The following PDXDC1 variants were observed in gnomAD, a reference collection of about 807,000 sequenced individuals.
PDXDC1 encodes the protein pyridoxal-dependent decarboxylase domain-containing protein 1.
In PDXDC1, 42 loss-of-function variants were observed where a neutral mutation model predicts 100.1. That is an observed-to-expected ratio of 0.42 (90% CI 0.33 to 0.54). PDXDC1 has a LOEUF of 0.54. PDXDC1 is among the 20% of genes least tolerant of loss of function. The probability of loss-of-function intolerance (pLI) is 0.10; values close to 1 mark genes in which losing one functional copy is unlikely to be tolerated. For synonymous variants in PDXDC1, 260 were observed against 371.7 expected, an observed-to-expected ratio of 0.70 and a Z score of 3.46; for missense variants, 636 against 979.2, an observed-to-expected ratio of 0.65 and a Z score of 4.68.
At chr16:15,018,518 G>A (rs1172527233) in intron 11 of PDXDC1, among the ~76,000 whole-genome samples, 8 of 152,298 alleles carry the variant, frequency 5.3e-5, no homozygotes, top group Non-Finnish European at 1.2e-4. Context: ...AGCTAATAAT[G>A]GCCAGGTGTT....
rs146935511 is a variant in PDXDC1 at position 15,073,037 on chromosome 16, C to G, written c.1399+42981C>G. 4 of 1,612,958 alleles carry G rather than the reference C, an allele frequency of 2.5e-6. No individual in the cohort carries two copies. The African/African-American group carries it at 5.3e-5, about 22-fold the overall frequency. On this transcript the variant is annotated intron_variant, in intron 16 of 16. Transcript: ENST00000535621. ...ACAGGAGTTTGTCAAAGATGTTTAT[C>G]AGGTCGCGATATAGATCCTTTGTTT...
At chr16:15,140,231 G>A (rs1423275213), downstream of PDXDC1, among the ~76,000 whole-genome samples, 2 of 151,126 alleles carry the variant, frequency 1.3e-5, no homozygotes. Flanking sequence ...GATCACCTGA[G>A]GTCAGGAGTT....
chr16:15,025,905 G>A (rs1343949971), intron 13 of PDXDC1: 1 of 152,398 alleles, frequency 6.6e-6, no homozygotes, highest in Non-Finnish European at 1.5e-5. Context: ...TAATGCAGTG[G>A]ATGTTTTCAA....
chr16:15,073,386 G>A (rs1400536497), intron 16 of PDXDC1, among the ~76,000 whole-genome samples: 4 of 152,294 alleles, frequency 2.6e-5, no homozygotes, highest in Middle Eastern at 3.4e-3. Context: ...GAGCCCAGGA[G>A]GTCAAGGCTG....
chr16:15,047,657 T>C, intron 16 of PDXDC1: 4 of 972,658 alleles, frequency 4.1e-6, no homozygotes, highest in Admixed American at 3.5e-5. Context: ...GAATATCCTG[T>C]AGGGGAAAAA....
At chr16:15,140,091 A>G, downstream of PDXDC1, among the ~76,000 whole-genome samples, 1 of 74,248 alleles carries the variant, frequency 1.3e-5, no homozygotes. Flanking sequence ...GCGAGACTCC[A>G]TCTCAAAAAA....
chr16:15,048,155 CTAAA>C, intron 16 of PDXDC1: 1 of 1,309,954 alleles, frequency 7.6e-7, no homozygotes, highest in Non-Finnish European at 1.1e-6. Context: ...GATGGAAAAA[CTAAA>C]GATGTGGAGA....
At chr16:15,020,500 C>CTTTAT (rs2042106738) in intron 12 of PDXDC1, among the ~76,000 whole-genome samples, 12 of 152,240 alleles carry the variant, frequency 7.9e-5, no homozygotes, top group Admixed American at 3.3e-4. Flanking sequence ...ACCATCCTGG[C>CTTTAT]TAACACGGTG....
At position 15,029,367 on chromosome 16, in the gene PDXDC1, G is replaced by C. The variant is rs1486613699; in HGVS notation, c.1293+401G>C. On this transcript the variant is annotated intron_variant, in intron 15 of 22. Coordinates refer to ENST00000396410, the MANE Select transcript of PDXDC1 (RefSeq NM_015027.4). Reference sequence around the variant, plus strand: ...ATAGCGTTTTGGGCACTGAATAGCAGCTCTAGGATTTGAGTCTGAAGGGTC... The same window carrying C: ...ATAGCGTTTTGGGCACTGAATAGCACCTCTAGGATTTGAGTCTGAAGGGTC... 33 of 487,048 alleles carry C rather than the reference G, an allele frequency of 6.8e-5. No individual in the cohort carries two copies. In the East Asian group the frequency reaches 1.5e-3, roughly 22 times the overall value. 30.2% of individuals were successfully genotyped at this position (487,048 alleles called of 1,614,324 possible). A position where few individuals can be genotyped will look rare whatever the true frequency, so the allele number is the denominator to read the frequency against.
chr16:14,985,251 G>A (rs1390598687), intron 1 of PDXDC1, among the ~76,000 whole-genome samples: 1 of 146,638 alleles, frequency 6.8e-6, no homozygotes, highest in Non-Finnish European at 1.5e-5. Context: ...TTCTATTGTA[G>A]TTACCAGTTT....
At chr16:15,033,954 A>G (rs1241462156) in intron 19 of PDXDC1, 4 of 450,950 alleles carry the variant, frequency 8.9e-6, no homozygotes, top group Non-Finnish European at 1.6e-5. Flanking sequence ...CTCTGAAAGG[A>G]GAGAGACACG....
downstream of PDXDC1, among the ~76,000 whole-genome samples, chr16:15,141,055 C>T (rs1448555816): frequency 6.7e-6 from 1 of 149,318 alleles, no homozygotes; most frequent in East Asian, 2.0e-4. Context: ...TACCGGCCTC[C>T]ATCCCTGAGC....
chr16:15,032,331 A>G (rs1000007371), intron 17 of PDXDC1: 4 of 185,702 alleles, frequency 2.2e-5, no homozygotes, highest in Non-Finnish European at 4.5e-5. Flanking sequence ...TGCCCATGAG[A>G]CTTCCAGACC....
At chr16:15,105,121 C>T (rs2046749289) in intron 16 of PDXDC1, among the ~76,000 whole-genome samples, 1 of 114,184 alleles carries the variant, frequency 8.8e-6, no homozygotes, top group Admixed American at 1.0e-4. Context: ...ACAGCCATCA[C>T]CAGAGCATGT....
chr16:15,092,227 T>C (rs1226194650), intron 16 of PDXDC1, among the ~76,000 whole-genome samples: 1 of 152,168 alleles, frequency 6.6e-6, no homozygotes, highest in Non-Finnish European at 1.5e-5. Context: ...TTCTGGCACT[T>C]GCTAAAGTTA....
the PDXDC1 span, among the ~76,000 whole-genome samples, chr16:15,147,399 G>C: frequency 6.6e-6 from 1 of 152,230 alleles, no homozygotes; most frequent in African/African-American, 2.4e-5. Flanking sequence ...TCAATTTCCT[G>C]GTCTGTAAAA....
At position 15,036,225 on chromosome 16, in the gene PDXDC1, C is replaced by CACCCAGAAGA. The variant is rs1330680244; in HGVS notation, c.2318_2327dup (p.Asp776GlufsTer5). ...CGAGGCCTTCCAGAAAGGGGTCCCA[C>CACCCAGAAGA]ACCCAGAAGATGACCACTCACAGGT... On this transcript the variant is annotated frameshift_variant, in exon 23 of 23. Coordinates refer to ENST00000396410, the MANE Select transcript of PDXDC1 (RefSeq NM_015027.4). LOFTEE classifies it high-confidence loss of function. The CACCCAGAAGA allele has an allele frequency of 1.2e-6, 2 of 1,614,052 alleles. No individual in the cohort carries two copies. The highest frequency in any genetic ancestry group is 1.1e-5 in the South Asian group (1 of 91,082).
At position 15,031,958 on chromosome 16, in the gene PDXDC1, A is replaced by C. The variant is rs201621998; in HGVS notation, c.1571+52A>C. The C allele has an allele frequency of 6.0e-5, 86 of 1,432,794 alleles. No homozygotes were observed. In the East Asian group the frequency reaches 2.1e-3, roughly 36 times the overall value. 88.8% of individuals were successfully genotyped at this position (1,432,794 alleles called of 1,614,324 possible). ...TTGGAGACTTTTCTGTATAAAGAAC[A>C]TGAGTGGGTCATTTTCTGAACCACC... On this transcript the variant is annotated intron_variant, in intron 17 of 22. Coordinates refer to ENST00000396410, the MANE Select transcript of PDXDC1 (RefSeq NM_015027.4).
intron 3 of PDXDC1, among the ~76,000 whole-genome samples, chr16:15,000,067 G>A (rs1221437993): frequency 6.6e-6 from 1 of 152,290 alleles, no homozygotes; most frequent in Non-Finnish European, 1.5e-5. Context: ...AGCTAGGTGT[G>A]AAGTGCATTC....
Sources: allele counts gnomAD v4.1 joint callset (sites outside exome capture counted in the v4.1 genomes callset), GRCh38; gene constraint gnomAD v4.1.1; transcripts MANE v1.5; gene names NCBI Gene and HGNC (gene_info 2026-07-23, HGNC 2026-07-21).